SPAG16: variants seen among roughly 807,000 people sequenced by gnomAD.
SPAG16 encodes the protein sperm associated antigen 16.
Under a neutral mutation model 80.4 loss-of-function variants are expected in SPAG16, and 86 were observed. The ratio of observed to expected loss-of-function variants is 1.07; its 90% CI spans 0.90 to 1.28. The LOEUF (loss-of-function observed/expected upper bound fraction) is 1.28, where lower values mean the gene tolerates loss of function less well. SPAG16 is among the 50% of genes most tolerant of loss of function. SPAG16 has a pLI of 0.00. For missense variants in SPAG16, 870 were observed against 765.3 expected (o/e 1.14, Z -1.61); for synonymous variants, 294 against 265.9 (o/e 1.11, Z -1.03).
chr2:213,549,080 T>C (rs1346755646), intron 10 of SPAG16, among the ~76,000 whole-genome samples: 1 of 152,074 alleles, frequency 6.6e-6, no homozygotes, highest in East Asian at 1.9e-4. Flanking sequence ...GAATGCTTTT[T>C]CTTTCTACCT....
At chr2:214,378,002 G>C (rs1184954023) in intron 15 of SPAG16, among the ~76,000 whole-genome samples, 1 of 152,174 alleles carries the variant, frequency 6.6e-6, no homozygotes, top group African/African-American at 2.4e-5. Context: ...GAAAGAGGGA[G>C]GCAACAGTAT....
At chr2:214,036,350 G>A (rs2125070600) in intron 13 of SPAG16, among the ~76,000 whole-genome samples, 1 of 152,248 alleles carries the variant, frequency 6.6e-6, no homozygotes, top group Admixed American at 6.5e-5. Flanking sequence ...ACTGGAGTCA[G>A]CCATTTCTTC....
chr2:213,384,845 G>A (rs781629004), intron 9 of SPAG16, among the ~76,000 whole-genome samples: 53 of 152,170 alleles, frequency 3.5e-4, no homozygotes, highest in Non-Finnish European at 1.2e-4. Flanking sequence ...GCCCTTTAAA[G>A]ATTCTATGTT....
chr2:213,779,451 T>C (rs1157551771), intron 10 of SPAG16, among the ~76,000 whole-genome samples: 1 of 152,244 alleles, frequency 6.6e-6, no homozygotes, highest in Admixed American at 6.5e-5. Flanking sequence ...TCTATTCCTT[T>C]TGTGATATGT....
chr2:213,351,235 G>C (rs1043343881), intron 7 of SPAG16, among the ~76,000 whole-genome samples: 4 of 152,066 alleles, frequency 2.6e-5, no homozygotes, highest in African/African-American at 7.2e-5. Context: ...TAGCCATTGT[G>C]GTCAAACTTG....
intron 1 of SPAG16, among the ~76,000 whole-genome samples, chr2:213,286,950 A>G (rs981335841): frequency 6.6e-6 from 1 of 152,194 alleles, no homozygotes. Flanking sequence ...GGTTCAGGAA[A>G]AAGAGTTCTT....
chr2:214,383,802 A>T (rs927984120), intron 15 of SPAG16, among the ~76,000 whole-genome samples: 6 of 152,170 alleles, frequency 3.9e-5, no homozygotes, highest in African/African-American at 1.2e-4. Context: ...ACAAGTGATG[A>T]CATGATCAAA....
chr2:213,953,526 A>G (rs554753305), intron 12 of SPAG16, among the ~76,000 whole-genome samples: 26 of 151,980 alleles, frequency 1.7e-4, no homozygotes, highest in African/African-American at 6.3e-4. Context: ...CTTTATACAC[A>G]CAGAGACACA....
At chr2:213,988,428 G>T (rs1460208317) in intron 12 of SPAG16, among the ~76,000 whole-genome samples, 1 of 152,020 alleles carries the variant, frequency 6.6e-6, no homozygotes, top group African/African-American at 2.4e-5. Flanking sequence ...AATTAAATTA[G>T]AAATCGATAA....
chr2:213,521,442 G>T (rs1479418461), intron 10 of SPAG16, among the ~76,000 whole-genome samples: 2 of 152,140 alleles, frequency 1.3e-5, no homozygotes, highest in African/African-American at 4.8e-5. Flanking sequence ...CATATTTCAG[G>T]AAGACTTCCA....
intron 11 of SPAG16, among the ~76,000 whole-genome samples, chr2:213,896,970 A>C (rs1023198901): frequency 2.6e-5 from 4 of 152,118 alleles, no homozygotes; most frequent in Non-Finnish European, 5.9e-5. Flanking sequence ...ACAAATACAT[A>C]GTTTGATAGA....
Position 213,297,271 on chromosome 2 carries a change from G to A in SPAG16, c.193G>A (p.Asp65Asn). Residue 65 changes from aspartate to asparagine, a missense_variant, in exon 3 of 16, where the codon GAC (aspartate) becomes AAC (asparagine). Transcript: ENST00000331683. ...DDYEYEEIPD[D>N]NFSIPEGEED... ...TTTCTCTGTGATCTAGATACCAGAT[G>A]ACAATTTTAGCATCCCAGAAGGTGA... is the stretch of plus-strand genomic sequence containing the variant. The A allele has an allele frequency of 6.2e-7, 1 of 1,609,982 alleles. No homozygotes were observed. The highest frequency in any genetic ancestry group is 1.1e-5 in the South Asian group (1 of 90,754).
At chr2:213,367,229 A>G (rs2066351687) in intron 8 of SPAG16, among the ~76,000 whole-genome samples, 1 of 65,894 alleles carries the variant, frequency 1.5e-5, no homozygotes, top group African/African-American at 5.0e-5. Flanking sequence ...GCTATTGTGA[A>G]TAGTGCCGCA....
intron 15 of SPAG16, among the ~76,000 whole-genome samples, chr2:214,365,340 C>CAGAT (rs1699409575): frequency 1.3e-5 from 2 of 152,248 alleles, no homozygotes; most frequent in African/African-American, 4.8e-5. Context: ...GTCAGTTGGT[C>CAGAT]AGATATTCAA....
chr2:213,336,729 A>T (rs2064383238), intron 5 of SPAG16, among the ~76,000 whole-genome samples: 1 of 152,130 alleles, frequency 6.6e-6, no homozygotes, highest in Non-Finnish European at 1.5e-5. Flanking sequence ...TATGAACAGA[A>T]CTTTGATATC....
intron 14 of SPAG16, among the ~76,000 whole-genome samples, chr2:214,148,760 C>A (rs754561790): frequency 4.6e-5 from 7 of 151,958 alleles, no homozygotes; most frequent in African/African-American, 1.7e-4. Flanking sequence ...ATATCATATG[C>A]ATTATATGAT....
intron 11 of SPAG16, among the ~76,000 whole-genome samples, chr2:213,880,942 C>A (rs548354474): frequency 1.3e-5 from 2 of 152,028 alleles, no homozygotes; most frequent in South Asian, 4.2e-4. Context: ...GTTTGAATGA[C>A]CTGTTAAGGC....
In SPAG16 at chr2:214,135,304, T is replaced by A. The variant is rs76847036; in HGVS notation, c.1594-13836T>A. 1.9e-3 allele frequency among the ~76,000 whole-genome samples: 288 copies of A among 152,296 alleles called. 9 individuals are homozygous for A. In the East Asian group the frequency reaches 0.05, roughly 26 times the overall value. Reference sequence around the variant, plus strand: ...TAAATATTAGTTGCTTTATATACATTGTCTTTATTTCTAGTTACTCTTCTG... The same window carrying A: ...TAAATATTAGTTGCTTTATATACATAGTCTTTATTTCTAGTTACTCTTCTG... On this transcript the variant is annotated intron_variant, in intron 14 of 15. Coordinates refer to ENST00000331683, the MANE Select transcript of SPAG16 (RefSeq NM_024532.5).
chr2:213,975,262 T>G (rs114578734), intron 12 of SPAG16, among the ~76,000 whole-genome samples: 3,667 of 151,126 alleles, frequency 0.024, 59 homozygotes, highest in Non-Finnish European at 0.037. Flanking sequence ...TATAGAATAT[T>G]TACAACGTGA....
Sources: gnomAD v4.1 joint callset for allele counts (sites outside exome capture counted in the v4.1 genomes callset) on GRCh38, gnomAD v4.1.1 for gene constraint, MANE v1.5 for transcripts, NCBI Gene and HGNC (gene_info 2026-07-23, HGNC 2026-07-21) for gene names.